The following TRPM6 variants were observed in gnomAD, a reference collection of about 807,000 sequenced individuals.
TRPM6 encodes the protein transient receptor potential cation channel subfamily M member 6.
In TRPM6, 111 loss-of-function variants were observed where a neutral mutation model predicts 247.6. The ratio of observed to expected loss-of-function variants is 0.45; its 90% CI spans 0.38 to 0.52. The LOEUF is 0.52. TRPM6 is among the 20% of genes least tolerant of loss of function. The pLI is 0.00. For missense variants in TRPM6, 2,126 were observed against 2,421.5 expected, an observed-to-expected ratio of 0.88 and a Z score of 2.56; for synonymous variants, 892 against 853.8, an observed-to-expected ratio of 1.04 and a Z score of -0.78.
intron 1 of TRPM6, among the ~76,000 whole-genome samples, chr9:74,865,475 G>A (rs1189344878): frequency 6.6e-6 from 1 of 152,152 alleles, no homozygotes; most frequent in Non-Finnish European, 1.5e-5. Flanking sequence ...CTTTATGAGT[G>A]TACTTTACAA....
chr9:74,818,443 T>C lies in TRPM6; in HGVS notation c.1135-1479A>G, dbSNP rs565894751. Among the ~76,000 whole-genome samples, 52 of 151,552 alleles carry C rather than the reference T, an allele frequency of 3.4e-4. No individual in the cohort carries two copies. In the South Asian group the frequency reaches 0.01, roughly 29 times the overall value. On this transcript the variant is annotated intron_variant, in intron 9 of 38. Transcript: ENST00000360774. ...TAAGCCTCCCAAGTAGCTGGGATTA[T>C]AGGCACCCGCCACTATGCCTGGCTA...
chr9:74,879,478 C>A (rs1036876482), intron 1 of TRPM6, among the ~76,000 whole-genome samples: 4 of 152,134 alleles, frequency 2.6e-5, no homozygotes, highest in African/African-American at 9.6e-5. Flanking sequence ...GTGTGTTAGG[C>A]CTCAGGGGAA....
At chr9:74,790,303 A>G (rs1413713424) in intron 19 of TRPM6, among the ~76,000 whole-genome samples, 1 of 152,124 alleles carries the variant, frequency 6.6e-6, no homozygotes, top group African/African-American at 2.4e-5. Context: ...ATAATTCTAT[A>G]CTTCTCTTGG....
intron 18 of TRPM6, 102 bp downstream of exon 18, chr9:74,796,637 TAA>T (rs1204561480): frequency 8.3e-7 from 1 of 1,205,198 alleles, no homozygotes; most frequent in Non-Finnish European, 1.2e-6. Context: ...ATAGGCAACA[TAA>T]CTTTTGTTTA....
intron 28 of TRPM6, among the ~76,000 whole-genome samples, chr9:74,753,608 A>C (rs1391972270): frequency 6.6e-6 from 1 of 152,150 alleles, no homozygotes; most frequent in Non-Finnish European, 1.5e-5. Context: ...AGGTGGAAGG[A>C]TCGCTTGAGC....
chr9:74,843,017 A>G (rs1829994519), intron 3 of TRPM6, among the ~76,000 whole-genome samples: 1 of 152,220 alleles, frequency 6.6e-6, no homozygotes, highest in Admixed American at 6.5e-5. Flanking sequence ...CCACAGTAGA[A>G]CTACTTTCAA....
At chr9:74,871,336 A>G (rs1454341898) in intron 1 of TRPM6, among the ~76,000 whole-genome samples, 1 of 152,166 alleles carries the variant, frequency 6.6e-6, no homozygotes, top group Non-Finnish European at 1.5e-5. Context: ...GCATTCCTCT[A>G]AAGATAGTCA....
chr9:74,789,944 G>C (rs1214816417), intron 19 of TRPM6, among the ~76,000 whole-genome samples: 4 of 118,810 alleles, frequency 3.4e-5, no homozygotes, highest in African/African-American at 9.6e-5. Context: ...CTGGGTGACA[G>C]AGCAAGACTC....
chr9:74,827,961 C>A lies in TRPM6; in HGVS notation c.670-12G>T. 1 of 1,613,594 alleles carries A rather than the reference C, an allele frequency of 6.2e-7. No homozygotes were observed. The highest frequency in any genetic ancestry group is 8.5e-7 in the Non-Finnish European group (1 of 1,179,680). On this transcript the variant is annotated splice_polypyrimidine_tract_variant and intron_variant, in intron 6 of 38. Coordinates refer to ENST00000360774, the MANE Select transcript of TRPM6 (RefSeq NM_017662.5). ...TACAGGCACACCACCTGAGAGACAG[C>A]AAGGACAAGGGAGGGTCAGAGCTCT... is the stretch of plus-strand genomic sequence containing the variant.
chr9:74,808,559 A>G (rs1372273789), intron 13 of TRPM6, among the ~76,000 whole-genome samples: 2 of 152,218 alleles, frequency 1.3e-5, no homozygotes, highest in African/African-American at 4.8e-5. Flanking sequence ...AAACAAGTAG[A>G]AAAACAAATA....
intron 27 of TRPM6, among the ~76,000 whole-genome samples, chr9:74,756,914 G>C (rs146373086): frequency 6.6e-6 from 1 of 151,920 alleles, no homozygotes; most frequent in Non-Finnish European, 1.5e-5. Flanking sequence ...TAACAAACTA[G>C]AGGCTGGGCG....
At chr9:74,815,697 T>C (rs1437826265) in intron 11 of TRPM6, among the ~76,000 whole-genome samples, 3 of 152,160 alleles carry the variant, frequency 2.0e-5, no homozygotes, top group Non-Finnish European at 4.4e-5. Flanking sequence ...AATATAGCAA[T>C]ATGACATTAT....
At chr9:74,884,870 G>A (rs569128781) in intron 1 of TRPM6, among the ~76,000 whole-genome samples, 1 of 152,272 alleles carries the variant, frequency 6.6e-6, no homozygotes, top group South Asian at 2.1e-4. Flanking sequence ...AAAGACTAAG[G>A]TGTGGGATAT....
chr9:74,887,308 G>A, intron 1 of TRPM6: 1 of 1,371,080 alleles, frequency 7.3e-7, no homozygotes, highest in Non-Finnish European at 9.4e-7. Context: ...GGGCGCGGAG[G>A]GACGGCCGTC....
chr9:74,812,536 TA>T, intron 11 of TRPM6, 103 bp from the exon 12 acceptor site: 1 of 1,158,294 alleles, frequency 8.6e-7, no homozygotes, highest in South Asian at 1.3e-5. Context: ...ACAATAATTT[TA>T]AAATAAAATC....
At chr9:74,725,262 T>C (rs1825277203) in intron 38 of TRPM6, among the ~76,000 whole-genome samples, 1 of 152,162 alleles carries the variant, frequency 6.6e-6, no homozygotes. Flanking sequence ...AAAATATTAA[T>C]AGGCATAACC....
At chr9:74,805,809 T>C (rs1828507512) in intron 14 of TRPM6, among the ~76,000 whole-genome samples, 1 of 151,592 alleles carries the variant, frequency 6.6e-6, no homozygotes, top group South Asian at 2.1e-4. Context: ...AAAAAGTGCC[T>C]GCCTATTTTG....
At position 74,767,342 on chromosome 9, in the gene TRPM6, T is replaced by C. The variant is rs544171925; in HGVS notation, c.3537-4208A>G. Among the ~76,000 whole-genome samples the C allele has an allele frequency of 2.6e-5, 4 of 152,314 alleles. No individual in the cohort carries two copies. The South Asian group carries it at 6.2e-4, about 24-fold the overall frequency. ...AAAGGGAAAAGCTGACTTACACTAC[T>C]AGAATCAAAAAAGAAGTTAGAGTCC... On this transcript the variant is annotated intron_variant, in intron 25 of 38. Transcript: ENST00000360774.
intron 1 of TRPM6, among the ~76,000 whole-genome samples, chr9:74,884,655 AT>A (rs1373607527): frequency 1.2e-4 from 18 of 152,134 alleles, no homozygotes; most frequent in African/African-American, 4.3e-4. Flanking sequence ...TTGGATTTCT[AT>A]TTGTAGTATT....
Sources: gnomAD v4.1 joint callset for allele counts (sites outside exome capture counted in the v4.1 genomes callset) on GRCh38, gnomAD v4.1.1 for gene constraint, MANE v1.5 for transcripts, NCBI Gene and HGNC (gene_info 2026-07-23, HGNC 2026-07-21) for gene names.